NAAA: variants seen among roughly 807,000 people sequenced by gnomAD.
NAAA encodes the protein N-acylethanolamine acid amidase, also known as N-acylethanolamine-hydrolyzing acid amidase.
Under a neutral mutation model 44.8 loss-of-function variants are expected in NAAA, and 39 were observed. The ratio of observed to expected loss-of-function variants is 0.87; its 90% CI spans 0.67 to 1.14. NAAA has a LOEUF of 1.14. Among genes scored for constraint, NAAA ranks in the 50% most tolerant of loss-of-function variants. The pLI is 0.00. For missense variants in NAAA, 460 were observed against 467.8 expected, an observed-to-expected ratio of 0.98 and a Z score of 0.15; for synonymous variants, 178 against 191.3, an observed-to-expected ratio of 0.93 and a Z score of 0.58.
chr4:75,918,913 T>C, intron 8 of NAAA, 124 bp from the exon 9 acceptor site: 8 of 848,964 alleles, frequency 9.4e-6, no homozygotes, highest in Non-Finnish European at 1.3e-5. Context: ...GAAGCCGACG[T>C]GGGAGGATTA....
intron 4 of NAAA, among the ~76,000 whole-genome samples, chr4:75,926,774 G>A (rs1726738787): frequency 6.6e-6 from 1 of 152,128 alleles, no homozygotes; most frequent in African/African-American, 2.4e-5. Context: ...GGAGGCCCAG[G>A]TGGGAGGAGT....
chr4:75,920,556 C>T (rs1475380998), intron 7 of NAAA, among the ~76,000 whole-genome samples, 182 bp downstream of exon 7: 2 of 152,140 alleles, frequency 1.3e-5, no homozygotes, highest in African/African-American at 4.8e-5. Flanking sequence ...TGCTGAGAGG[C>T]TCTGCCCACT....
In NAAA at chr4:75,921,018, C is replaced by A; in HGVS notation, c.772G>T (p.Gly258Trp). ...YIVGGTSPRE[G>W]VVITRNRDGP... Reference sequence around the variant, plus strand: ...TCTCTGTTCCTCGTGATGACCACCCCCTCCCGGGGGGACGTGCCACCAACA... The same window carrying A: ...TCTCTGTTCCTCGTGATGACCACCCACTCCCGGGGGGACGTGCCACCAACA... Residue 258 changes from glycine to tryptophan, a missense_variant, in exon 6 of 11, where the codon GGG becomes TGG. By Grantham distance (184) the Gly-to-Trp change is radical (BLOSUM62 -2). Transcript: ENST00000286733. The A allele has an allele frequency of 6.2e-7, 1 of 1,609,682 alleles. No homozygotes were observed. Among genetic ancestry groups the A allele is most frequent in the East Asian group, 2.2e-5 (1 of 44,882 alleles).
chr4:75,939,787 GTTTAGTGTTGAAT>G, intron 2 of NAAA: 2 of 575,108 alleles, frequency 3.5e-6, no homozygotes, highest in Non-Finnish European at 6.2e-6. Flanking sequence ...TAGAGGGAAA[GTTTAGTGTTGAAT>G]CGGAGAATCT....
chr4:75,926,484 C>T (rs1726701658), intron 4 of NAAA, among the ~76,000 whole-genome samples: 1 of 144,304 alleles, frequency 6.9e-6, no homozygotes, highest in African/African-American at 2.6e-5. Context: ...TTGCTTGAAC[C>T]TGGGAGGCGG....
chr4:75,913,563 A>T, downstream of NAAA: 1 of 589,100 alleles, frequency 1.7e-6, no homozygotes, highest in Non-Finnish European at 2.1e-6. Flanking sequence ...GCTGACACTT[A>T]AATAACATCA....
intron 5 of NAAA, among the ~76,000 whole-genome samples, chr4:75,925,278 A>G (rs993522042): frequency 6.6e-6 from 1 of 151,910 alleles, no homozygotes; most frequent in East Asian, 1.9e-4. Context: ...CTCGAGATCC[A>G]CCCTCCTTGG....
intron 3 of NAAA, among the ~76,000 whole-genome samples, chr4:75,933,155 T>C (rs1727394569): frequency 6.7e-6 from 1 of 149,804 alleles, no homozygotes; most frequent in Admixed American, 6.6e-5. Flanking sequence ...AAAAAGTACT[T>C]AAAACAGTAT....
intron 2 of NAAA, among the ~76,000 whole-genome samples, chr4:75,939,389 C>G (rs565043523): frequency 6.6e-6 from 1 of 151,800 alleles, no homozygotes; most frequent in South Asian, 2.1e-4. Flanking sequence ...TCAAAAACTT[C>G]CTGGAAAAGT....
downstream of NAAA, among the ~76,000 whole-genome samples, chr4:75,913,066 C>T (rs1041540680): frequency 6.6e-6 from 1 of 152,100 alleles, no homozygotes; most frequent in African/African-American, 2.4e-5. Context: ...CGAGACACTC[C>T]AAAACTGCCT....
chr4:75,933,421 G>A (rs1287325663), intron 3 of NAAA, among the ~76,000 whole-genome samples: 1 of 152,034 alleles, frequency 6.6e-6, no homozygotes, highest in Non-Finnish European at 1.5e-5. Flanking sequence ...CTCCACGCAT[G>A]GTGGTAAAGC....
At chr4:75,940,337 TGGGGGGAAGGGGGC>T (rs904924292) in intron 1 of NAAA, 172 bp from the exon 2 acceptor site, 4 of 93,030 alleles carry the variant, frequency 4.3e-5, no homozygotes, top group Admixed American at 1.5e-4. Context: ...CTCCCGGGAG[TGGGGGGAAGGGGGC>T]GGGGGGAAGG....
At chr4:75,919,408 C>T in intron 8 of NAAA, 1 of 154,140 alleles carries the variant, frequency 6.5e-6, no homozygotes, top group Non-Finnish European at 1.4e-5. Context: ...ATGACTTTTT[C>T]TTTTTAATAT....
intron 5 of NAAA, among the ~76,000 whole-genome samples, chr4:75,922,282 G>A (rs1390702703): frequency 6.6e-6 from 1 of 151,884 alleles, no homozygotes; most frequent in Non-Finnish European, 1.5e-5. Context: ...GGAGGCTGAG[G>A]TGGGAGAATT....
chr4:75,936,349 A>G (rs2149285818), intron 2 of NAAA, 114 bp from the exon 3 acceptor site: 1 of 1,183,356 alleles, frequency 8.5e-7, no homozygotes, highest in Non-Finnish European at 1.2e-6. Flanking sequence ...CTTCCTTATA[A>G]CTGATATATG....
At chr4:75,925,025 C>T (rs1241866276) in intron 5 of NAAA, among the ~76,000 whole-genome samples, 2 of 150,852 alleles carry the variant, frequency 1.3e-5, no homozygotes, top group African/African-American at 4.9e-5. Context: ...GAGTTTTGCT[C>T]TTATTGACCA....
chr4:75,921,022 C>T lies in NAAA; in HGVS notation c.768G>A (p.Arg256=). The T allele has an allele frequency of 6.2e-7, 1 of 1,609,176 alleles. No homozygotes were observed. The highest frequency in any genetic ancestry group is 8.5e-7 in the Non-Finnish European group (1 of 1,178,972). ...TGTTCCTCGTGATGACCACCCCCTC[C>T]CGGGGGGACGTGCCACCAACAATGT... ...VYYIVGGTSP[R]EGVVITRNRD... is the part of the protein sequence containing the mutation. The change falls in exon 6 of 11, where the codon CGG becomes CGA. Residue 256 remains arginine, a synonymous_variant. Coordinates refer to ENST00000286733, the MANE Select transcript of NAAA (RefSeq NM_014435.4).
intron 3 of NAAA, chr4:75,934,936 T>C (rs1296574160): frequency 6.9e-6 from 1 of 144,094 alleles, no homozygotes; most frequent in Non-Finnish European, 1.6e-5. Flanking sequence ...TTTATTCCTT[T>C]GTCTCTTTAT....
At position 75,940,748 on chromosome 4, in the gene NAAA, T is replaced by C; in HGVS notation, c.202A>G (p.Ile68Val). 1 of 1,596,094 alleles carries C rather than the reference T, an allele frequency of 6.3e-7. No homozygotes were observed. The highest frequency in any genetic ancestry group is 8.5e-7 in the Non-Finnish European group (1 of 1,177,960). Residue 68 changes from isoleucine (I) to valine (V), a missense_variant, in exon 1 of 11, where the codon ATC (isoleucine) becomes GTC (valine). By Grantham distance (29) the Ile-to-Val change is conservative (BLOSUM62 3). Transcript: ENST00000286733. ...DLVRAAMAQV[I>V]GDRVPKWVHV... ...CCGTCCAGGGCCCCAGCTCACCCGA[T>C]GACTTGCGCCATCGCGGCGCGCACC...
Sources: gnomAD v4.1 joint callset for allele counts (sites outside exome capture counted in the v4.1 genomes callset) on GRCh38, gnomAD v4.1.1 for gene constraint, MANE v1.5 for transcripts, NCBI Gene and HGNC (gene_info 2026-07-23, HGNC 2026-07-21) for gene names.